Variants in C16orf87 observed in about 807,000 individuals in gnomAD.
C16orf87 encodes UPF0547 protein C16orf87.
Under a neutral mutation model 21.0 loss-of-function variants are expected in C16orf87, and 13 were observed. The observed-to-expected ratio is 0.62, with a 90% CI of 0.40 to 0.98. The LOEUF (loss-of-function observed/expected upper bound fraction) is 0.98, where lower values mean the gene tolerates loss of function less well. Among genes scored for constraint, C16orf87 ranks in the 50% least tolerant of loss-of-function variants. C16orf87 has a pLI of 0.00. For missense variants in C16orf87, 113 were observed against 180.4 expected, an observed-to-expected ratio of 0.63 and a Z score of 2.14; for synonymous variants, 49 against 60.2, an observed-to-expected ratio of 0.81 and a Z score of 0.86.
intron 3 of C16orf87, among the ~76,000 whole-genome samples, chr16:46,805,838 T>C (rs1033080102): frequency 5.9e-5 from 9 of 152,212 alleles, no homozygotes; most frequent in Non-Finnish European, 1.3e-4. Context: ...CTAGAGAAGA[T>C]ATGTTCAAAC....
intron 2 of C16orf87, 85 bp downstream of exon 2, chr16:46,824,301 A>C (rs781250224): frequency 2.6e-5 from 18 of 689,720 alleles, no homozygotes; most frequent in Non-Finnish European, 4.3e-5. Context: ...TTTAACTTCA[A>C]CAAAAAATGT....
intron 2 of C16orf87, among the ~76,000 whole-genome samples, chr16:46,812,781 T>G (rs1484401073): frequency 6.6e-6 from 1 of 152,144 alleles, no homozygotes; most frequent in Non-Finnish European, 1.5e-5. Flanking sequence ...TCAAATCTAT[T>G]CCAGTATAGT....
chr16:46,807,138 C>A (rs1967954290), intron 3 of C16orf87, among the ~76,000 whole-genome samples: 1 of 152,228 alleles, frequency 6.6e-6, no homozygotes, highest in Non-Finnish European at 1.5e-5. Context: ...TGGTTTACAA[C>A]AAAGATTGGC....
chr16:46,824,187 C>T (rs1481471149), intron 2 of C16orf87, among the ~76,000 whole-genome samples, 199 bp downstream of exon 2: 1 of 152,174 alleles, frequency 6.6e-6, no homozygotes, highest in Non-Finnish European at 1.5e-5. Context: ...GCGTTATCAG[C>T]ATTGTAAGGG....
intron 1 of C16orf87, among the ~76,000 whole-genome samples, chr16:46,825,015 C>T (rs890040695): frequency 1.3e-5 from 2 of 151,930 alleles, no homozygotes; most frequent in Non-Finnish European, 2.9e-5. Context: ...CTATACCATA[C>T]CAATACCATA....
intron 3 of C16orf87, 97 bp from the exon 4 acceptor site, chr16:46,803,167 T>C (rs1967827605): frequency 1.7e-6 from 1 of 601,312 alleles, no homozygotes; most frequent in Admixed American, 3.2e-5. Context: ...ATGACAGTAT[T>C]ATATATAATA....
chr16:46,827,786 T>C (rs567830953), intron 1 of C16orf87, among the ~76,000 whole-genome samples: 2 of 152,080 alleles, frequency 1.3e-5, no homozygotes, highest in East Asian at 3.9e-4. Flanking sequence ...TTTCACCATG[T>C]TGGCCAGGCT....
intron 1 of C16orf87, among the ~76,000 whole-genome samples, chr16:46,829,202 A>G (rs1959748086): frequency 6.6e-6 from 1 of 152,164 alleles, no homozygotes; most frequent in African/African-American, 2.4e-5. Context: ...GACACCAAGA[A>G]GACAGCCATC....
intron 3 of C16orf87, among the ~76,000 whole-genome samples, chr16:46,808,935 A>G (rs1968001097): frequency 6.6e-6 from 1 of 151,792 alleles, no homozygotes; most frequent in Non-Finnish European, 1.5e-5. Flanking sequence ...CTCCACCAAC[A>G]ACACTTTCAA....
chr16:46,819,747 G>A (rs1959335191), intron 2 of C16orf87, among the ~76,000 whole-genome samples: 1 of 151,652 alleles, frequency 6.6e-6, no homozygotes, highest in African/African-American at 2.4e-5. Flanking sequence ...GGCCGAGGCG[G>A]GCGGATTACC....
chr16:46,831,135 T>A lies in C16orf87; in HGVS notation c.15A>T (p.Arg5=). 1 of 1,578,478 alleles carries A rather than the reference T, an allele frequency of 6.3e-7. No individual in the cohort carries two copies. The highest frequency in any genetic ancestry group is 1.1e-5 in the South Asian group (1 of 87,908). The change falls in exon 1 of 4, where the codon CGA becomes CGT. Residue 5 remains arginine (R), a synonymous_variant. Transcript: ENST00000285697. ...TGGTGGCCATCTTCACTTTCTTGGCTCGAGTTGCAGACATGCTCCTCTCCC... is the reference window on the plus strand; with the variant it reads ...TGGTGGCCATCTTCACTTTCTTGGCACGAGTTGCAGACATGCTCCTCTCCC... MSAT[R]AKKVKMATKS...
Position 46,802,927 on chromosome 16 carries a change from T to C in C16orf87, c.*25A>G. 1 of 1,106,840 alleles carries C rather than the reference T, an allele frequency of 9.0e-7. No homozygotes were observed. The highest frequency in any genetic ancestry group is 1.3e-5 in the South Asian group (1 of 79,460). The allele number at this position is 1,106,840 out of a possible 1,614,324, so 68.6% of individuals were successfully genotyped here. A position where few individuals can be genotyped will look rare whatever the true frequency, so the allele number is the denominator to read the frequency against. On this transcript the variant is annotated 3_prime_UTR_variant, in exon 4 of 4. Coordinates refer to ENST00000285697, the MANE Select transcript of C16orf87 (RefSeq NM_001001436.4). The stretch of plus-strand genomic sequence containing the variant: ...TTTGCTGATGTTATCCTGACAGAAG[T>C]TTCAGCAGATTTTGCAAACAAGTAT...
At position 46,799,581 on chromosome 16, in the gene C16orf87, G is replaced by A. The variant is rs1236886261; in HGVS notation, c.*3371C>T. 6.6e-6 allele frequency: 1 copy of A among 152,212 alleles called. No homozygotes were observed. Among genetic ancestry groups the A allele is most frequent in the Non-Finnish European group, 1.5e-5 (1 of 68,026 alleles). 9.4% of individuals were successfully genotyped at this position (152,212 alleles called of 1,614,324 possible). On this transcript the variant is annotated 3_prime_UTR_variant, in exon 4 of 4. Transcript: ENST00000285697. ...AGTTTCAAAGAATGACGGACAAAAT[G>A]TTTTAGAGAAGAACACAATTTGGCA...
intron 2 of C16orf87, among the ~76,000 whole-genome samples, chr16:46,813,131 A>G (rs1451810082): frequency 6.6e-6 from 1 of 152,076 alleles, no homozygotes; most frequent in African/African-American, 2.4e-5. Flanking sequence ...GATGGCTCCA[A>G]AGTTTTCACC....
chr16:46,797,654 G>A lies in C16orf87; in HGVS notation c.*5298C>T, dbSNP rs1400136422. ...GCCACTGTGCCCAGCCAAGTCTTAT[G>A]ATTTATAAGAAAATTATAACATAAA... On this transcript the variant is annotated 3_prime_UTR_variant, in exon 4 of 4. Coordinates refer to ENST00000285697, the MANE Select transcript of C16orf87 (RefSeq NM_001001436.4). The A allele has an allele frequency of 6.6e-6, 1 of 152,108 alleles. No homozygotes were observed. The highest frequency in any genetic ancestry group is 1.5e-5 in the Non-Finnish European group (1 of 68,012). The allele number at this position is 152,108 out of a possible 1,614,324, so 9.4% of individuals were successfully genotyped here.
rs769434252 is a variant in C16orf87, at chr16:46,800,375, A to C, written c.*2577T>G. 2.6e-5 allele frequency: 4 copies of C among 152,186 alleles called. No homozygotes were observed. Among genetic ancestry groups the C allele is most frequent in the Non-Finnish European group, 5.9e-5 (4 of 68,020 alleles). 9.4% of individuals were successfully genotyped at this position (152,186 alleles called of 1,614,324 possible). ...TATCATTTACATTTAAATACAGCCA[A>C]AAAATACCCATGAAAATCTAAGAAA... On this transcript the variant is annotated 3_prime_UTR_variant, in exon 4 of 4. Transcript: ENST00000285697.
intron 1 of C16orf87, among the ~76,000 whole-genome samples, chr16:46,827,774 G>A (rs1567318574): frequency 6.6e-6 from 1 of 151,486 alleles, no homozygotes; most frequent in East Asian, 1.9e-4. Flanking sequence ...GTAGAGATGG[G>A]GTTTCACCAT....
intron 2 of C16orf87, among the ~76,000 whole-genome samples, chr16:46,822,557 T>C (rs1462236689): frequency 1.3e-5 from 2 of 152,186 alleles, no homozygotes; most frequent in Non-Finnish European, 2.9e-5. Context: ...ATTCTCATGA[T>C]GAGAAGAGAA....
intron 3 of C16orf87, among the ~76,000 whole-genome samples, chr16:46,808,512 A>T (rs893944791): frequency 6.6e-6 from 1 of 152,254 alleles, no homozygotes; most frequent in Non-Finnish European, 1.5e-5. Context: ...AAAGCAAAGC[A>T]TAACTCACAA....
Sources: gnomAD v4.1 joint callset for allele counts (sites outside exome capture counted in the v4.1 genomes callset) on GRCh38, gnomAD v4.1.1 for gene constraint, MANE v1.5 for transcripts, NCBI Gene and HGNC (gene_info 2026-07-23, HGNC 2026-07-21) for gene names.